The following C14orf132 variants were observed in gnomAD, a reference collection of about 807,000 sequenced individuals.
The protein encoded by C14orf132 is chromosome 14 open reading frame 132, also known as uncharacterized protein C14orf132.
In C14orf132, 6 loss-of-function variants were observed where a neutral mutation model predicts 5.8. That is an observed-to-expected ratio of 1.03 (90% CI 0.57 to 2.04). C14orf132 has a LOEUF of 2.04. Among genes scored for constraint, C14orf132 ranks in the 30% most tolerant of loss-of-function variants. The pLI is 0.00. For synonymous variants in C14orf132, 51 were observed against 49.8 expected (o/e 1.02, Z -0.10); for missense variants, 125 against 115.8 (o/e 1.08, Z -0.37).
chr14:96,065,226 G>T (rs1887496274), intron 1 of C14orf132, among the ~76,000 whole-genome samples: 1 of 152,158 alleles, frequency 6.6e-6, no homozygotes, highest in South Asian at 2.1e-4. Flanking sequence ...TGCCCCTGGG[G>T]AGGAGGGTGC....
At chr14:96,079,903 G>C (rs946321614) in intron 1 of C14orf132, among the ~76,000 whole-genome samples, 2 of 152,186 alleles carry the variant, frequency 1.3e-5, no homozygotes, top group Admixed American at 1.3e-4. Context: ...GCAAATAAAA[G>C]ATGCACAGTT....
rs201847402 is a variant in C14orf132 at position 96,049,580 on chromosome 14, GTATA to G, written c.27+10060_27+10063del. On this transcript the variant is annotated intron_variant, in intron 1 of 1. Transcript: ENST00000555004. ...TATATACGTATATATACATATATAC[GTATA>G]TATATACATATATACGTATATATAT... is the stretch of plus-strand genomic sequence containing the variant. Among the ~76,000 whole-genome samples the G allele has an allele frequency of 3.5e-5, 4 of 115,308 alleles. 1 individual carries two copies. Among genetic ancestry groups the G allele is most frequent in the Non-Finnish European group, 1.8e-5 (1 of 56,806 alleles). The allele number at this position is 115,308 out of a possible 152,430, so 75.6% of individuals were successfully genotyped here.
chr14:96,046,381 G>C (rs145972160), intron 1 of C14orf132, among the ~76,000 whole-genome samples: 1 of 152,144 alleles, frequency 6.6e-6, no homozygotes, highest in African/African-American at 2.4e-5. Flanking sequence ...ACTAAACAAG[G>C]GTGTGTAGAG....
chr14:96,046,868 A>G (rs543404704), intron 1 of C14orf132, among the ~76,000 whole-genome samples: 4 of 152,324 alleles, frequency 2.6e-5, no homozygotes, highest in East Asian at 1.9e-4. Context: ...ATCTCTTCCT[A>G]TTGGAGAGGT....
Position 96,086,667 on chromosome 14 carries a change from T to G in C14orf132, c.184T>G (p.Trp62Gly). 6.5e-7 allele frequency: 1 copy of G among 1,536,184 alleles called. No individual in the cohort carries two copies. Among genetic ancestry groups the G allele is most frequent in the Non-Finnish European group, 8.7e-7 (1 of 1,146,922 alleles). The change falls in exon 2 of 2, where the codon TGG becomes GGG. Residue 62 changes from tryptophan (W) to glycine (G), a missense_variant. Trp to Gly is a radical substitution (Grantham distance 184). Coordinates refer to ENST00000555004, the MANE Select transcript of C14orf132 (RefSeq NM_001252507.3). ...GTCCTCCAACGACGCCGTCTTGCTATGGATTGCCATCATAGCTACGCTGGG... is the reference window on the plus strand; with the variant it reads ...GTCCTCCAACGACGCCGTCTTGCTAGGGATTGCCATCATAGCTACGCTGGG... ...PRSSNDAVLL[W>G]IAIIATLGNI... is the part of the protein sequence containing the mutation.
chr14:96,079,910 A>G (rs1274455622), intron 1 of C14orf132, among the ~76,000 whole-genome samples: 1 of 152,254 alleles, frequency 6.6e-6, no homozygotes, highest in Non-Finnish European at 1.5e-5. Flanking sequence ...AAAGATGCAC[A>G]GTTAAATTTC....
In C14orf132 at chr14:96,090,416, A is replaced by G. The variant is rs1399080219; in HGVS notation, c.*3681A>G. 4.5e-5 allele frequency: 13 copies of G among 287,566 alleles called. No homozygotes were observed. Among genetic ancestry groups the G allele is most frequent in the African/African-American group, 2.0e-4 (9 of 44,640 alleles). The allele number at this position is 287,566 out of a possible 1,614,324, so 17.8% of individuals were successfully genotyped here. On this transcript the variant is annotated 3_prime_UTR_variant, in exon 2 of 2. Transcript: ENST00000555004. ...AAAAAAAAAAAAAAAGAAAAGAAAA[A>G]AAAAAAGAGCAACTTACTGCTTTGT...
At chr14:96,045,926 C>A (rs148565325) in intron 1 of C14orf132, among the ~76,000 whole-genome samples, 1 of 152,332 alleles carries the variant, frequency 6.6e-6, no homozygotes, top group Non-Finnish European at 1.5e-5. Context: ...AGGCTTCCAG[C>A]GTGTAGTTTC....
rs1044636247 is a variant in C14orf132 at position 96,091,058 on chromosome 14, G to A, written c.*4323G>A. ...GGCAGGAATGAGGATGCAGAGAGAT[G>A]CACGTTAATTACTGTCGCATTTTTC... On this transcript the variant is annotated 3_prime_UTR_variant, in exon 2 of 2. Coordinates refer to ENST00000555004, the MANE Select transcript of C14orf132 (RefSeq NM_001252507.3). 8.8e-6 allele frequency: 4 copies of A among 454,924 alleles called. No individual in the cohort carries two copies. Among genetic ancestry groups the A allele is most frequent in the East Asian group, 6.9e-5 (1 of 14,406 alleles). The allele number at this position is 454,924 out of a possible 1,614,324, so 28.2% of individuals were successfully genotyped here. A position where few individuals can be genotyped will look rare whatever the true frequency, so the allele number is the denominator to read the frequency against.
At chr14:96,042,896 A>G (rs947046420) in intron 1 of C14orf132, among the ~76,000 whole-genome samples, 3 of 152,136 alleles carry the variant, frequency 2.0e-5, no homozygotes, top group African/African-American at 7.2e-5. Flanking sequence ...AAGGCCATTC[A>G]TTTCTCTTAG....
intron 1 of C14orf132, among the ~76,000 whole-genome samples, chr14:96,085,020 G>C (rs564648650): frequency 1.3e-5 from 2 of 152,298 alleles, no homozygotes; most frequent in South Asian, 4.1e-4. Context: ...GAAGCCCATG[G>C]GGCTGCATGC....
intron 1 of C14orf132, among the ~76,000 whole-genome samples, chr14:96,064,419 C>CAT (rs1261966550): frequency 4.5e-4 from 66 of 147,664 alleles, no homozygotes; most frequent in African/African-American, 1.4e-3. Flanking sequence ...TATATATACA[C>CAT]ATATATACAC....
chr14:96,050,683 T>C (rs748174554), intron 1 of C14orf132, among the ~76,000 whole-genome samples: 4 of 152,032 alleles, frequency 2.6e-5, no homozygotes, highest in Non-Finnish European at 4.4e-5. Flanking sequence ...AGAGAGTCCA[T>C]TGAGCCCTGC....
chr14:96,083,528 C>T (rs1888089407), intron 1 of C14orf132, among the ~76,000 whole-genome samples: 1 of 152,130 alleles, frequency 6.6e-6, no homozygotes, highest in Non-Finnish European at 1.5e-5. Context: ...CACAAGGGCC[C>T]TTATAAGAGC....
chr14:96,070,911 A>G (rs1295629742), intron 1 of C14orf132, among the ~76,000 whole-genome samples: 3 of 152,120 alleles, frequency 2.0e-5, no homozygotes, highest in Admixed American at 1.3e-4. Flanking sequence ...TGAGTTAATG[A>G]CTGCCACACT....
intron 1 of C14orf132, among the ~76,000 whole-genome samples, chr14:96,048,442 T>C (rs1201936853): frequency 1.3e-5 from 2 of 152,244 alleles, no homozygotes; most frequent in Non-Finnish European, 2.9e-5. Flanking sequence ...TTATTCAGTA[T>C]GTAGCTTTTC....
At chr14:96,052,918 A>G (rs777834039) in intron 1 of C14orf132, among the ~76,000 whole-genome samples, 19 of 152,120 alleles carry the variant, frequency 1.2e-4, no homozygotes, top group South Asian at 2.1e-4. Flanking sequence ...AGGTCTTTCA[A>G]TGGGGCTTGT....
chr14:96,075,076 T>A (rs76863313), intron 1 of C14orf132, among the ~76,000 whole-genome samples: 2,264 of 152,318 alleles, frequency 0.015, 75 homozygotes, highest in African/African-American at 0.052. Flanking sequence ...TTTATTTAGA[T>A]CTTCTTTGCT....
Position 96,090,377 on chromosome 14 carries a change from C to T in C14orf132, c.*3642C>T, listed in dbSNP as rs1470463497. 1.7e-5 allele frequency: 5 copies of T among 286,398 alleles called. No homozygotes were observed. The highest frequency in any genetic ancestry group is 6.2e-5 in the South Asian group (2 of 32,110). 17.7% of individuals were successfully genotyped at this position (286,398 alleles called of 1,614,324 possible). A position where few individuals can be genotyped will look rare whatever the true frequency, so the allele number is the denominator to read the frequency against. ...CTGCACTCCAGCCTGGGCAACAGAA[C>T]GAGACTCTGTCTCAAAAAAAAAAAA... On this transcript the variant is annotated 3_prime_UTR_variant, in exon 2 of 2. Coordinates refer to ENST00000555004, the MANE Select transcript of C14orf132 (RefSeq NM_001252507.3).
Sources: gnomAD v4.1 joint callset for allele counts (sites outside exome capture counted in the v4.1 genomes callset) on GRCh38, gnomAD v4.1.1 for gene constraint, MANE v1.5 for transcripts, NCBI Gene and HGNC (gene_info 2026-07-23, HGNC 2026-07-21) for gene names.